The following MGAM variants were observed in gnomAD, a reference collection of about 807,000 sequenced individuals.
MGAM encodes maltase-glucoamylase, also known as alpha-1,4-glucosidase.
A neutral mutation model predicts 358.8 loss-of-function variants in MGAM; 253 were observed. That is an observed-to-expected ratio of 0.71 (90% CI 0.64 to 0.78). The LOEUF (loss-of-function observed/expected upper bound fraction) is 0.78, where lower values mean the gene tolerates loss of function less well. Among genes scored for constraint, MGAM ranks in the 30% least tolerant of loss-of-function variants. The probability of loss-of-function intolerance (pLI) is 0.00; values close to 1 mark genes in which losing one functional copy is unlikely to be tolerated. For missense variants in MGAM, 3,080 were observed against 3,432.6 expected, an observed-to-expected ratio of 0.90 and a Z score of 2.57; for synonymous variants, 1,105 against 1,227.1, an observed-to-expected ratio of 0.90 and a Z score of 2.08.
chr7:142,015,960 T>G (rs1805930158), intron 3 of MGAM, among the ~76,000 whole-genome samples: 1 of 152,160 alleles, frequency 6.6e-6, no homozygotes, highest in Non-Finnish European at 1.5e-5. Context: ...TATTAAAGGA[T>G]CTCCTTATTT....
Position 142,058,290 on chromosome 7 carries a change from A to G in MGAM, c.3781A>G (p.Ser1261Gly), listed in dbSNP as rs1245848440. ...CTACCAGAATGACTCTGAGATCGCC[A>G]GCTTGTATGATGAGATGGTGGCTGC... ...YGYQNDSEIA[S>G]LYDEMVAAQI... Residue 1261 changes from serine (S) to glycine (G), a missense_variant, in exon 31 of 71, where the codon AGC (serine) becomes GGC (glycine). This residue lies in a region of MGAM where 1,816 missense variants were observed against 1,840.5 expected (regional missense o/e 0.99). Transcript: ENST00000475668. 5.0e-6 allele frequency: 8 copies of G among 1,613,926 alleles called. No individual in the cohort carries two copies. Among genetic ancestry groups the G allele is most frequent in the Non-Finnish European group, 6.8e-6 (8 of 1,179,842 alleles).
At chr7:142,088,875 T>TA (rs1156778172) in intron 57 of MGAM, among the ~76,000 whole-genome samples, 1 of 130,270 alleles carries the variant, frequency 7.7e-6, no homozygotes, top group Non-Finnish European at 1.7e-5. Context: ...CTATCTAATC[T>TA]ATCTCCACCT....
chr7:142,097,748 C>G, intron 66 of MGAM, 99 bp downstream of exon 66: 18 of 1,315,750 alleles, frequency 1.4e-5, no homozygotes, highest in Non-Finnish European at 1.9e-5. Context: ...CTCTGTAACC[C>G]ACCTGCTGTG....
In MGAM at chr7:142,022,428, A is replaced by C. The variant is rs1554459275; in HGVS notation, c.871A>C (p.Thr291Pro). The change falls in exon 7 of 71, where the codon ACT (threonine) becomes CCT (proline). Residue 291 changes from threonine (T) to proline (P), a missense_variant. By Grantham distance (38) the Thr-to-Pro change is conservative. Around this residue, in one of 5 missense-constraint regions of MGAM, gnomAD observed 1,816 missense variants for 1,840.5 expected, o/e 0.99. Coordinates refer to ENST00000475668, the MANE Select transcript of MGAM (RefSeq NM_001365693.1). ...CTGGCCCATATTTAACAGAGACACA[A>C]CTCCCAATGGAGTAAGCTTTCAAAT... ...KTWPIFNRDT[T>P]PNGNGTNLYG... 1 of 1,612,762 alleles carries C rather than the reference A, an allele frequency of 6.2e-7. No individual in the cohort carries two copies. The highest frequency in any genetic ancestry group is 8.5e-7 in the Non-Finnish European group (1 of 1,179,252).
At position 142,030,386 on chromosome 7, in the gene MGAM, T is replaced by A; in HGVS notation, c.1246T>A (p.Tyr416Asn). The stretch of plus-strand genomic sequence containing the variant: ...GGATGTTCAGCATGCTGATATTGAT[T>A]ATATGGATGAGAGAAGGGACTTCAC... ...PYDVQHADID[Y>N]MDERRDFTYD... The change falls in exon 11 of 71, where the codon TAT becomes AAT. Residue 416 changes from tyrosine to asparagine, a missense_variant. By Grantham distance (143) the Tyr-to-Asn change is moderately radical. This residue lies in a region of MGAM where 1,816 missense variants were observed against 1,840.5 expected (regional missense o/e 0.99). Transcript: ENST00000475668. 2 of 1,613,298 alleles carry A rather than the reference T, an allele frequency of 1.2e-6. No individual in the cohort carries two copies. Among genetic ancestry groups the A allele is most frequent in the South Asian group, 2.2e-5 (2 of 91,030 alleles).
At chr7:142,086,041 C>T in intron 55 of MGAM, 80 bp downstream of exon 55, 2 of 1,509,418 alleles carry the variant, frequency 1.3e-6, no homozygotes, top group Non-Finnish European at 1.8e-6. Context: ...ACTTTATTTC[C>T]ATGTTGCAAG....
In MGAM at chr7:142,026,040, G is replaced by A. The variant is rs1806933070; in HGVS notation, c.982+891G>A. ...TCAGACTTAGTGGGAAAGGCCACAA[G>A]ATCCTAGATACTCTGTATGAGTTGT... On this transcript the variant is annotated intron_variant, in intron 8 of 70. Transcript: ENST00000475668. Among the ~76,000 whole-genome samples the A allele has an allele frequency of 2.0e-5, 3 of 152,238 alleles. No individual in the cohort carries two copies. The South Asian group carries it at 6.2e-4, about 32-fold the overall frequency.
chr7:142,045,251 G>T (rs1323543470), intron 21 of MGAM, among the ~76,000 whole-genome samples: 8 of 67,830 alleles, frequency 1.2e-4, no homozygotes, highest in East Asian at 4.2e-4. Context: ...TATAATATAT[G>T]ATATATAATA....
intron 63 of MGAM, 26 bp downstream of exon 63, chr7:142,094,889 T>G (rs762853036): frequency 1.2e-6 from 2 of 1,605,412 alleles, no homozygotes; most frequent in Admixed American, 1.7e-5. Flanking sequence ...CTACCTCCAG[T>G]GTTTCACTTG....
chr7:142,018,002 G>T (rs1806106588), intron 3 of MGAM, among the ~76,000 whole-genome samples: 1 of 152,144 alleles, frequency 6.6e-6, no homozygotes, highest in South Asian at 2.1e-4. Flanking sequence ...TGGGCCAAAG[G>T]TAATTCATCT....
chr7:142,066,919 T>C (rs1291255086), intron 41 of MGAM, among the ~76,000 whole-genome samples, 198 bp downstream of exon 41: 1 of 146,498 alleles, frequency 6.8e-6, no homozygotes, highest in Non-Finnish European at 1.5e-5. Context: ...GGGTATTTAT[T>C]GAATGACGAA....
intron 21 of MGAM, among the ~76,000 whole-genome samples, chr7:142,041,428 G>A (rs972762525): frequency 3.9e-5 from 6 of 151,952 alleles, no homozygotes; most frequent in Non-Finnish European, 4.4e-5. Context: ...TGATACTAAT[G>A]GAAAATATCC....
chr7:141,987,377 G>T (rs1487339246), intron 2 of MGAM, among the ~76,000 whole-genome samples: 1 of 152,086 alleles, frequency 6.6e-6, no homozygotes, highest in Admixed American at 6.5e-5. Flanking sequence ...ACTAATCTCT[G>T]TATCTTAATA....
intron 37 of MGAM, 102 bp from the exon 38 acceptor site, chr7:142,065,233 G>T (rs909709227): frequency 1.2e-5 from 17 of 1,473,416 alleles, no homozygotes; most frequent in Non-Finnish European, 1.5e-5. Context: ...CTCCAGTCAC[G>T]CAGCAAACAT....
chr7:142,094,778 A>C lies in MGAM; in HGVS notation c.7373A>C (p.Asp2458Ala). Reference protein sequence around the residue: ...TGADICGFFQDAEYEMCVRWM... With the variant: ...TGADICGFFQAAEYEMCVRWM... The stretch of plus-strand genomic sequence containing the variant: ...GCAGATATCTGTGGGTTCTTTCAAG[A>C]TGCTGAATATGAGATGTGTGTTCGC... The change falls in exon 63 of 71, where the codon GAT becomes GCT. Residue 2458 changes from aspartate (D) to alanine (A), a missense_variant. Transcript: ENST00000475668. The C allele has an allele frequency of 6.2e-7, 1 of 1,613,606 alleles. No individual in the cohort carries two copies. Among genetic ancestry groups the C allele is most frequent in the Non-Finnish European group, 8.5e-7 (1 of 1,179,840 alleles).
chr7:142,045,109 C>A (rs1199081310), intron 21 of MGAM, among the ~76,000 whole-genome samples: 2 of 49,106 alleles, frequency 4.1e-5, no homozygotes, highest in East Asian at 6.8e-4. Flanking sequence ...ATTATATATA[C>A]GTGCAATATA....
intron 20 of MGAM, 141 bp downstream of exon 20, chr7:142,040,312 TG>T: frequency 1.4e-6 from 1 of 691,140 alleles, no homozygotes. Context: ...TAGCAGAACC[TG>T]GGTAAAGTTA....
Position 142,103,409 on chromosome 7 carries a change from AC to A in MGAM, c.8157del (p.Ser2720ProfsTer11), listed in dbSNP as rs1816598601. 1 of 1,607,960 alleles carries A rather than the reference AC, an allele frequency of 6.2e-7. No individual in the cohort carries two copies. The highest frequency in any genetic ancestry group is 8.5e-7 in the Non-Finnish European group (1 of 1,177,902). ...SISVSGMVITPSFNNDPTTQV... is the reference protein window; with the variant it reads ...SISVSGMVITXSFNNDPTTQV... ...TCTCTGTGAGTGGCATGGTCATAAC[AC>A]CCTCCTTCAACAATGACCCCACGAC... On this transcript the variant is annotated frameshift_variant, in exon 70 of 71. Coordinates refer to ENST00000475668, the MANE Select transcript of MGAM (RefSeq NM_001365693.1). LOFTEE classifies it high-confidence loss of function.
chr7:142,063,628 G>C, intron 36 of MGAM, 42 bp downstream of exon 36: 1 of 1,599,404 alleles, frequency 6.3e-7, no homozygotes, highest in Non-Finnish European at 8.5e-7. Flanking sequence ...GCCATGACTG[G>C]AAGGATTACA....
Sources: gnomAD v4.1 joint callset for allele counts (sites outside exome capture counted in the v4.1 genomes callset) on GRCh38, gnomAD v4.1.1 for gene constraint, gnomAD v4.1.1 regional missense constraint, MANE v1.5 for transcripts, NCBI Gene and HGNC (gene_info 2026-07-23, HGNC 2026-07-21) for gene names.